EIF5B: variants seen among roughly 807,000 people sequenced by gnomAD.
EIF5B encodes the protein eukaryotic translation initiation factor 5B.
Under a neutral mutation model 147.5 loss-of-function variants are expected in EIF5B, and 47 were observed. That is an observed-to-expected ratio of 0.32 (90% CI 0.25 to 0.41). EIF5B has a LOEUF of 0.41. Ranked by LOEUF, EIF5B falls within the 10% of genes least tolerant of loss-of-function variation. The probability of loss-of-function intolerance (pLI) is 1.00; values close to 1 mark genes in which losing one functional copy is unlikely to be tolerated. For missense variants in EIF5B, 1,064 were observed against 1,413.2 expected, an observed-to-expected ratio of 0.75 and a Z score of 3.96; for synonymous variants, 455 against 456.2, an observed-to-expected ratio of 1.00 and a Z score of 0.03.
At chr2:99,388,184 T>C (rs1674850486) in intron 14 of EIF5B, among the ~76,000 whole-genome samples, 1 of 152,236 alleles carries the variant, frequency 6.6e-6, no homozygotes, top group Non-Finnish European at 1.5e-5. Context: ...GTATCTTCTT[T>C]TGTAAATAAT....
intron 14 of EIF5B, among the ~76,000 whole-genome samples, chr2:99,387,186 G>C (rs1008384800): frequency 6.6e-6 from 1 of 152,168 alleles, no homozygotes; most frequent in Admixed American, 6.6e-5. Flanking sequence ...GGGATTTCAG[G>C]CATGAGCCAC....
At chr2:99,369,758 C>T (rs1480427611) in intron 8 of EIF5B, among the ~76,000 whole-genome samples, 2 of 152,126 alleles carry the variant, frequency 1.3e-5, no homozygotes, top group South Asian at 2.1e-4. Flanking sequence ...AGATGGATCA[C>T]GAGATCAGAA....
At chr2:99,343,892 G>A (rs1408163647) in intron 1 of EIF5B, among the ~76,000 whole-genome samples, 3 of 151,430 alleles carry the variant, frequency 2.0e-5, no homozygotes, top group African/African-American at 4.8e-5. Flanking sequence ...ATTAATTGTT[G>A]TATGTGGTAT....
intron 21 of EIF5B, 22 bp downstream of exon 21, chr2:99,394,905 C>A: frequency 6.5e-7 from 1 of 1,535,168 alleles, no homozygotes; most frequent in Non-Finnish European, 8.8e-7. Flanking sequence ...TTTTTATTTA[C>A]TTTGAGTCTT....
At position 99,399,452 on chromosome 2, in the gene EIF5B, A is replaced by C. The variant is rs764193389; in HGVS notation, c.*38A>C. 1 of 1,579,562 alleles carries C rather than the reference A, an allele frequency of 6.3e-7. No homozygotes were observed. Among genetic ancestry groups the C allele is most frequent in the Non-Finnish European group, 8.7e-7 (1 of 1,150,462 alleles). The stretch of plus-strand genomic sequence containing the variant: ...GAGCAGGAACTGGAGTAAATGCAAT[A>C]CTGTGTTGTAATATCCCAACAAAAA... On this transcript the variant is annotated 3_prime_UTR_variant, in exon 24 of 24. Transcript: ENST00000289371.
In EIF5B at chr2:99,337,530, G is replaced by C. The variant is rs2094245796; in HGVS notation, c.-25G>C. 6.2e-6 allele frequency: 10 copies of C among 1,610,612 alleles called. No individual in the cohort carries two copies. Among genetic ancestry groups the C allele is most frequent in the Non-Finnish European group, 8.5e-6 (10 of 1,178,444 alleles). ...TGTGAGAGACCGAATAGAGGGGCTG[G>C]GGCCACGAGCGCCATTGACAAGCAA... On this transcript the variant is annotated 5_prime_UTR_variant, in exon 1 of 24. Coordinates refer to ENST00000289371, the MANE Select transcript of EIF5B (RefSeq NM_015904.4).
intron 8 of EIF5B, among the ~76,000 whole-genome samples, chr2:99,370,059 A>G (rs945246014): frequency 6.6e-6 from 1 of 152,204 alleles, no homozygotes; most frequent in Non-Finnish European, 1.5e-5. Context: ...AGAAATCTCA[A>G]AAAAAGATCT....
At chr2:99,398,256 T>C (rs1397800339) in intron 22 of EIF5B, 1 of 152,820 alleles carries the variant, frequency 6.5e-6, no homozygotes, top group Non-Finnish European at 1.5e-5. Flanking sequence ...ACTCTTACTC[T>C]CCTGAATCTT....
chr2:99,396,659 T>G, intron 21 of EIF5B, 101 bp from the exon 22 acceptor site: 1 of 1,429,468 alleles, frequency 7.0e-7, no homozygotes. Flanking sequence ...TGGGGAAAGC[T>G]GCTTTCCTCT....
intron 1 of EIF5B, among the ~76,000 whole-genome samples, chr2:99,341,342 G>C (rs2094259099): frequency 6.6e-6 from 1 of 152,202 alleles, no homozygotes; most frequent in Admixed American, 6.5e-5. Flanking sequence ...TGACGCTTTA[G>C]GAAGTGGTAG....
Position 99,368,475 on chromosome 2 carries a change from T to A in EIF5B, c.1289-18T>A. Reference sequence around the variant, plus strand: ...TGCAAGTAGTATAAGCCTGAAGTTTTTCATTTTTATCCCTCAGGTGTTGAA... The same window carrying A: ...TGCAAGTAGTATAAGCCTGAAGTTTATCATTTTTATCCCTCAGGTGTTGAA... On this transcript the variant is annotated intron_variant, in intron 6 of 23. Coordinates refer to ENST00000289371, the MANE Select transcript of EIF5B (RefSeq NM_015904.4). The A allele has an allele frequency of 1.3e-6, 2 of 1,599,054 alleles. No homozygotes were observed. Among genetic ancestry groups the A allele is most frequent in the Non-Finnish European group, 1.7e-6 (2 of 1,167,072 alleles).
intron 1 of EIF5B, among the ~76,000 whole-genome samples, chr2:99,347,754 T>G (rs756575874): frequency 1.3e-5 from 2 of 152,122 alleles, no homozygotes; most frequent in Non-Finnish European, 2.9e-5. Context: ...ATTCTTCTCT[T>G]GACAAAAAGG....
chr2:99,351,895 T>TC (rs1444549963), intron 1 of EIF5B, among the ~76,000 whole-genome samples: 1 of 151,978 alleles, frequency 6.6e-6, no homozygotes, highest in Non-Finnish European at 1.5e-5. Context: ...GGACGGGATT[T>TC]CACCTTGTTG....
chr2:99,385,009 G>A (rs1286975769), intron 14 of EIF5B, among the ~76,000 whole-genome samples: 1 of 152,172 alleles, frequency 6.6e-6, no homozygotes, highest in African/African-American at 2.4e-5. Context: ...GCTCTATTCT[G>A]GGTAGAATGC....
chr2:99,359,786 T>C (rs1289102514), intron 1 of EIF5B, among the ~76,000 whole-genome samples: 1 of 152,252 alleles, frequency 6.6e-6, no homozygotes, highest in Non-Finnish European at 1.5e-5. Context: ...GCTAGGTGAC[T>C]GATCTCTAAA....
chr2:99,338,371 A>G, intron 1 of EIF5B: 1 of 1,287,104 alleles, frequency 7.8e-7, no homozygotes, highest in Non-Finnish European at 1.0e-6. Context: ...TCTGTTACTC[A>G]TGATGGAAAG....
intron 9 of EIF5B, among the ~76,000 whole-genome samples, chr2:99,373,824 A>AT (rs569076512): frequency 2.3e-4 from 35 of 149,786 alleles, no homozygotes; most frequent in East Asian, 4.0e-4. Flanking sequence ...TTAAATTTTT[A>AT]TTTTTTTTTC....
chr2:99,358,170 A>G (rs1315962449), intron 1 of EIF5B, among the ~76,000 whole-genome samples: 1 of 152,052 alleles, frequency 6.6e-6, no homozygotes, highest in Non-Finnish European at 1.5e-5. Flanking sequence ...TGATTCAGGT[A>G]ATCTTCCCAC....
At chr2:99,380,426 T>C (rs537291911) in intron 12 of EIF5B, among the ~76,000 whole-genome samples, 1 of 152,344 alleles carries the variant, frequency 6.6e-6, no homozygotes, top group Admixed American at 6.5e-5. Context: ...TCAGTTATTA[T>C]TGTGCTGAGA....
Sources: allele counts gnomAD v4.1 joint callset (sites outside exome capture counted in the v4.1 genomes callset), GRCh38; gene constraint gnomAD v4.1.1; transcripts MANE v1.5; gene names NCBI Gene and HGNC (gene_info 2026-07-23, HGNC 2026-07-21).